The following PREPL variants were observed in gnomAD, a reference collection of about 807,000 sequenced individuals.
PREPL encodes the protein prolyl endopeptidase-like.
In PREPL, 77 loss-of-function variants were observed where a neutral mutation model predicts 70.6. The ratio of observed to expected loss-of-function variants is 1.09; its 90% CI spans 0.91 to 1.32. The LOEUF (loss-of-function observed/expected upper bound fraction) is 1.32. Among genes scored for constraint, PREPL ranks in the 40% most tolerant of loss-of-function variants. The pLI is 0.00. For missense variants in PREPL, 1,002 were observed against 778.2 expected, an observed-to-expected ratio of 1.29 and a Z score of -3.42; for synonymous variants, 315 against 264.8, an observed-to-expected ratio of 1.19 and a Z score of -1.84.
At chr2:44,354,098 G>A in intron 1 of PREPL, among the ~76,000 whole-genome samples, 1 of 152,112 alleles carries the variant, frequency 6.6e-6, no homozygotes, top group East Asian at 1.9e-4. Context: ...TGAGGCTGCA[G>A]TAAGCCATGT....
At position 44,343,806 on chromosome 2, in the gene PREPL, T is replaced by C. The variant is rs1296041346; in HGVS notation, c.288A>G (p.Val96=). The C allele has an allele frequency of 1.9e-6, 3 of 1,613,918 alleles. No homozygotes were observed. Among genetic ancestry groups the C allele is most frequent in the Non-Finnish European group, 2.5e-6 (3 of 1,179,902 alleles). The stretch of plus-strand genomic sequence containing the variant: ...CGGGCTGATCGCTGAGCTTTATAAT[T>C]ACACAGGTAGATGCTTCAGAATCTT... The part of the protein sequence containing the change: ...RTEDSEASTC[V]IIKLSDQPVM... Residue 96 remains valine, a synonymous_variant, in exon 4 of 14, where the codon GTA becomes GTG. Transcript: ENST00000409411.
chr2:44,360,976 T>C (rs747878739), intron 1 of PREPL, among the ~76,000 whole-genome samples: 4 of 151,748 alleles, frequency 2.6e-5, no homozygotes, highest in Non-Finnish European at 4.4e-5. Context: ...CGCAGCAAAA[T>C]AATGGGCGAT....
At chr2:44,328,516 A>G (rs1673767297) in intron 9 of PREPL, among the ~76,000 whole-genome samples, 2 of 149,662 alleles carry the variant, frequency 1.3e-5, no homozygotes, top group Non-Finnish European at 3.0e-5. Context: ...TAGGAGTATT[A>G]TACTGGGGAA....
rs1672692967 is a variant in PREPL at position 44,319,033 on chromosome 2, A to T, written c.*2323T>A. ...GGCACTTCTTATGTGAGTGGCACTGAAACATGTGCTTTCATGCATTACCTA... is the reference window on the plus strand; with the variant it reads ...GGCACTTCTTATGTGAGTGGCACTGTAACATGTGCTTTCATGCATTACCTA... On this transcript the variant is annotated 3_prime_UTR_variant, in exon 14 of 14. Transcript: ENST00000409411. The T allele has an allele frequency of 6.6e-6, 1 of 152,278 alleles. No homozygotes were observed. Among genetic ancestry groups the T allele is most frequent in the Non-Finnish European group, 1.5e-5 (1 of 68,050 alleles). 9.4% of individuals were successfully genotyped at this position (152,278 alleles called of 1,614,324 possible).
intron 7 of PREPL, among the ~76,000 whole-genome samples, chr2:44,333,435 A>G (rs779971807): frequency 6.6e-5 from 10 of 152,126 alleles, no homozygotes; most frequent in African/African-American, 9.7e-5. Flanking sequence ...CAGAACATTA[A>G]AAGAAAATTG....
rs1213317089 is a variant in PREPL, at chr2:44,326,936, T to G, written c.1263-8A>C. 6.2e-7 allele frequency: 1 copy of G among 1,613,056 alleles called. No individual in the cohort carries two copies. Among genetic ancestry groups the G allele is most frequent in the Non-Finnish European group, 8.5e-7 (1 of 1,179,366 alleles). ...CCTAACTCACCACCACCTCTGAAATTGAAGGGCAAAAAAGTTTTAGTGGAA... is the reference window on the plus strand; with the variant it reads ...CCTAACTCACCACCACCTCTGAAATGGAAGGGCAAAAAAGTTTTAGTGGAA... On this transcript the variant is annotated splice_polypyrimidine_tract_variant and splice_region_variant and intron_variant, in intron 9 of 13. Coordinates refer to ENST00000409411, the MANE Select transcript of PREPL (RefSeq NM_001171613.2).
At chr2:44,352,047 T>G (rs13400644) in intron 1 of PREPL, among the ~76,000 whole-genome samples, 88 of 152,324 alleles carry the variant, frequency 5.8e-4, no homozygotes, top group African/African-American at 2.1e-3. Flanking sequence ...CTTGCTCCCA[T>G]ATCAGTTTCT....
In PREPL at chr2:44,322,826, T is replaced by C. The variant is rs1558483536; in HGVS notation, c.1658A>G (p.Tyr553Cys). The change falls in exon 12 of 14, where the codon TAT becomes TGT. Residue 553 changes from tyrosine (Y) to cysteine (C), a missense_variant. By Grantham distance (194) the Tyr-to-Cys change is radical (BLOSUM62 -2). Transcript: ENST00000409411. ...CAGAGGTACCCGTTCATCGTTTTCA[T>C]ATGCCGTTATGTGAATTGAAGGATA... ...QHYPSIHITA[Y>C]ENDERVPLKG... 1.5e-5 allele frequency: 25 copies of C among 1,613,640 alleles called. No individual in the cohort carries two copies. The highest frequency in any genetic ancestry group is 1.9e-5 in the Non-Finnish European group (22 of 1,179,744).
chr2:44,324,289 C>T (rs946672552), intron 10 of PREPL, among the ~76,000 whole-genome samples: 1 of 152,122 alleles, frequency 6.6e-6, no homozygotes, highest in African/African-American at 2.4e-5. Context: ...TACAGGGTTT[C>T]AGTTTTGTTA....
At position 44,321,321 on chromosome 2, in the gene PREPL, C is replaced by G. The variant is rs1672919387; in HGVS notation, c.*35G>C. ...TTGGAAGTAAGACTATGAAATATTT[C>G]AGTGTGTTTCCAATTCCCAGTTGAA... On this transcript the variant is annotated 3_prime_UTR_variant, in exon 14 of 14. Transcript: ENST00000409411. The G allele has an allele frequency of 6.7e-7, 1 of 1,490,590 alleles. No individual in the cohort carries two copies. The highest frequency in any genetic ancestry group is 9.3e-7 in the Non-Finnish European group (1 of 1,073,806). 92.3% of individuals were successfully genotyped at this position (1,490,590 alleles called of 1,614,324 possible). A position where few individuals can be genotyped will look rare whatever the true frequency, so the allele number is the denominator to read the frequency against.
intron 6 of PREPL, among the ~76,000 whole-genome samples, chr2:44,338,818 A>C (rs1310685927): frequency 6.6e-6 from 1 of 152,232 alleles, no homozygotes; most frequent in East Asian, 1.9e-4. Context: ...CAGTGAGCTT[A>C]GCTGATATCA....
At chr2:44,333,946 G>A (rs761028220) in intron 7 of PREPL, among the ~76,000 whole-genome samples, 10 of 152,160 alleles carry the variant, frequency 6.6e-5, no homozygotes, top group Non-Finnish European at 1.3e-4. Flanking sequence ...TGAGACTTCA[G>A]GACAGTCTCT....
intron 8 of PREPL, among the ~76,000 whole-genome samples, chr2:44,331,771 T>C (rs1674118692): frequency 6.6e-6 from 1 of 152,174 alleles, no homozygotes; most frequent in African/African-American, 2.4e-5. Flanking sequence ...TCCTGCTAGA[T>C]GTATGCTCCA....
chr2:44,358,466 A>G lies in PREPL; in HGVS notation c.-49+2914T>C, dbSNP rs535824271. On this transcript the variant is annotated intron_variant, in intron 1 of 13. Coordinates refer to ENST00000409411, the MANE Select transcript of PREPL (RefSeq NM_001171613.2). ...TGCAAGAATACCACCCCCAAATATC[A>G]TTAAGGAACCTAAGGAACATAAGAA... is the stretch of plus-strand genomic sequence containing the variant. Among the ~76,000 whole-genome samples the G allele has an allele frequency of 3.3e-5, 5 of 152,338 alleles. No individual in the cohort carries two copies. The East Asian group carries it at 9.6e-4, about 29-fold the overall frequency.
chr2:44,338,055 C>G (rs4953090), intron 7 of PREPL, among the ~76,000 whole-genome samples: 3 of 151,970 alleles, frequency 2.0e-5, no homozygotes, highest in Admixed American at 2.0e-4. Flanking sequence ...TCTCAAGTTG[C>G]AGAGATATGT....
chr2:44,340,176 C>A (rs914119973), intron 5 of PREPL, among the ~76,000 whole-genome samples: 1 of 151,868 alleles, frequency 6.6e-6, no homozygotes, highest in African/African-American at 2.4e-5. Context: ...CCTAATATAT[C>A]ATAATTCTTA....
intron 1 of PREPL, chr2:44,360,002 C>T (rs1174200387): frequency 3.0e-6 from 1 of 337,966 alleles, no homozygotes; most frequent in African/African-American, 2.1e-5. Flanking sequence ...CAGGCTCAAA[C>T]TATGCAGCAC....
chr2:44,355,068 C>G (rs978644174), intron 1 of PREPL, among the ~76,000 whole-genome samples: 1 of 152,164 alleles, frequency 6.6e-6, no homozygotes, highest in Non-Finnish European at 1.5e-5. Flanking sequence ...AGCTAAACAT[C>G]TACTAATTGG....
chr2:44,329,537 G>C (rs1192909771), intron 8 of PREPL, among the ~76,000 whole-genome samples: 1 of 152,058 alleles, frequency 6.6e-6, no homozygotes, highest in African/African-American at 2.4e-5. Flanking sequence ...CTACAAATAT[G>C]CTGACTAAAG....
Sources: allele counts gnomAD v4.1 joint callset (sites outside exome capture counted in the v4.1 genomes callset), GRCh38; gene constraint gnomAD v4.1.1; transcripts MANE v1.5; gene names NCBI Gene and HGNC (gene_info 2026-07-23, HGNC 2026-07-21).